Variants in NTM observed in about 807,000 individuals in gnomAD.
The protein encoded by NTM is IgLON family member 2.
Under a neutral mutation model 42.1 loss-of-function variants are expected in NTM, and 13 were observed. The observed-to-expected ratio is 0.31, with a 90% CI of 0.20 to 0.49. The LOEUF (loss-of-function observed/expected upper bound fraction) is 0.49. Ranked by LOEUF, NTM falls within the 20% of genes least tolerant of loss-of-function variation. The probability of loss-of-function intolerance (pLI) is 0.99; values close to 1 mark genes in which losing one functional copy is unlikely to be tolerated. For missense variants in NTM, 373 were observed against 452.8 expected (o/e 0.82, Z 1.60); for synonymous variants, 187 against 179.2 (o/e 1.04, Z -0.35).
intron 4 of NTM, among the ~76,000 whole-genome samples, chr11:132,271,210 C>T (rs2093461494): frequency 6.6e-6 from 1 of 152,110 alleles, no homozygotes; most frequent in Non-Finnish European, 1.5e-5. Flanking sequence ...TAAGGTCCAT[C>T]CATATTGTAG....
At position 132,167,888 on chromosome 11, in the gene NTM, G is replaced by A. The variant is rs2075525634; in HGVS notation, c.400+21374G>A. ...TATCCAGACCAGAAAGAAACAGATA[G>A]GATGAAGCCTGTTTTGCCCACAACG... On this transcript the variant is annotated intron_variant, in intron 3 of 8. Transcript: ENST00000683400. 2.0e-5 allele frequency among the ~76,000 whole-genome samples: 3 copies of A among 152,130 alleles called. No homozygotes were observed. The South Asian group carries it at 6.2e-4, about 32-fold the overall frequency.
chr11:131,511,262 G>A (rs1271972525), intron 1 of NTM, among the ~76,000 whole-genome samples: 1 of 152,190 alleles, frequency 6.6e-6, no homozygotes, highest in Non-Finnish European at 1.5e-5. Context: ...GATTCAGGAG[G>A]AGCCAAGCCA....
intron 1 of NTM, among the ~76,000 whole-genome samples, chr11:131,411,022 T>G (rs565687419): frequency 6.6e-6 from 1 of 152,312 alleles, no homozygotes; most frequent in Non-Finnish European, 1.5e-5. Context: ...TGCCAGACAC[T>G]TATACCACAT....
At chr11:132,046,752 G>T (rs750416055) in intron 2 of NTM, among the ~76,000 whole-genome samples, 3 of 152,160 alleles carry the variant, frequency 2.0e-5, no homozygotes, top group Non-Finnish European at 4.4e-5. Flanking sequence ...AAGGCAAGGG[G>T]TCTTTGTGGT....
intron 3 of NTM, among the ~76,000 whole-genome samples, chr11:132,183,942 C>T (rs1200806226): frequency 6.6e-6 from 1 of 151,738 alleles, no homozygotes; most frequent in Admixed American, 6.6e-5. Flanking sequence ...ATGATGCCTG[C>T]TAATCTAGAG....
chr11:132,271,913 T>C (rs1399439937), intron 4 of NTM, among the ~76,000 whole-genome samples: 1 of 152,160 alleles, frequency 6.6e-6, no homozygotes. Flanking sequence ...ACATTTTTTG[T>C]TGCTTGTGCT....
At chr11:131,909,113 T>C (rs2054303512) in intron 1 of NTM, among the ~76,000 whole-genome samples, 3 of 152,212 alleles carry the variant, frequency 2.0e-5, no homozygotes, top group African/African-American at 4.8e-5. Context: ...AGATATTCAC[T>C]GTAAAGTCGC....
intron 4 of NTM, among the ~76,000 whole-genome samples, chr11:132,249,264 G>A (rs1017810539): frequency 3.9e-5 from 6 of 152,186 alleles, no homozygotes; most frequent in African/African-American, 1.4e-4. Flanking sequence ...TAAATCGTGT[G>A]TGTGTGATGA....
intron 2 of NTM, among the ~76,000 whole-genome samples, chr11:132,053,383 C>G (rs994213049): frequency 2.0e-5 from 3 of 152,210 alleles, no homozygotes; most frequent in Admixed American, 1.3e-4. Context: ...GATCCAGGCA[C>G]AGAACTCTGG....
chr11:131,857,213 G>A (rs188212766), intron 1 of NTM, among the ~76,000 whole-genome samples: 12 of 152,240 alleles, frequency 7.9e-5, no homozygotes, highest in South Asian at 2.1e-4. Flanking sequence ...TTTACTTGTC[G>A]TTGAAGTCTC....
chr11:132,240,838 T>C (rs1459882124), intron 4 of NTM, among the ~76,000 whole-genome samples: 1 of 152,214 alleles, frequency 6.6e-6, no homozygotes, highest in Admixed American at 6.5e-5. Context: ...TACAGAAATA[T>C]TGTGGCTGGG....
intron 1 of NTM, among the ~76,000 whole-genome samples, chr11:131,598,944 C>T (rs899196630): frequency 6.9e-6 from 1 of 143,938 alleles, no homozygotes; most frequent in African/African-American, 2.7e-5. Context: ...GACAGAGTCT[C>T]GCTCTTGTCA....
chr11:131,890,931 G>A (rs1274080975), intron 1 of NTM, among the ~76,000 whole-genome samples: 2 of 152,036 alleles, frequency 1.3e-5, no homozygotes, highest in African/African-American at 4.8e-5. Context: ...CCTCATTCTG[G>A]GCAAGCACGT....
intron 1 of NTM, among the ~76,000 whole-genome samples, chr11:131,584,727 A>G (rs2512896): frequency 0.61 from 92,505 of 151,792 alleles, 28,458 homozygotes; most frequent in African/African-American, 0.69. Flanking sequence ...GCCTGTGTCA[A>G]TCACCCTGGA....
At chr11:131,893,212 TC>T (rs1452163699) in intron 1 of NTM, among the ~76,000 whole-genome samples, 1 of 152,134 alleles carries the variant, frequency 6.6e-6, no homozygotes, top group Non-Finnish European at 1.5e-5. Context: ...TTAGGTGAAG[TC>T]CCTTTGAAAT....
intron 4 of NTM, among the ~76,000 whole-genome samples, chr11:132,241,320 T>C (rs76440110): frequency 0.012 from 1,759 of 152,344 alleles, 18 homozygotes; most frequent in African/African-American, 0.032. Context: ...CCTTTTGGCA[T>C]ATAAAGCCTA....
intron 1 of NTM, among the ~76,000 whole-genome samples, chr11:131,470,132 C>T (rs963166795): frequency 2.0e-5 from 3 of 152,216 alleles, no homozygotes; most frequent in African/African-American, 7.2e-5. Context: ...GTATGACCCT[C>T]ACGTTATCTG....
intron 1 of NTM, among the ~76,000 whole-genome samples, chr11:131,533,345 C>G (rs1007399224): frequency 3.3e-5 from 5 of 152,226 alleles, no homozygotes; most frequent in African/African-American, 1.2e-4. Context: ...GATTTACACC[C>G]TGACATTTAA....
At chr11:131,962,548 C>T (rs1483421768) in intron 2 of NTM, among the ~76,000 whole-genome samples, 1 of 152,166 alleles carries the variant, frequency 6.6e-6, no homozygotes, top group Non-Finnish European at 1.5e-5. Context: ...GGAGGCGGGC[C>T]CTTGCCCTCC....
Sources: allele counts gnomAD v4.1 joint callset (sites outside exome capture counted in the v4.1 genomes callset), GRCh38; gene constraint gnomAD v4.1.1; transcripts MANE v1.5; gene names NCBI Gene and HGNC (gene_info 2026-07-23, HGNC 2026-07-21).